The following RPRD1A variants were observed in gnomAD, a reference collection of about 807,000 sequenced individuals.
The protein encoded by RPRD1A is regulation of nuclear pre-mRNA domain containing 1A.
In RPRD1A, 9 loss-of-function variants were observed where a neutral mutation model predicts 37.8. That is an observed-to-expected ratio of 0.24 (90% CI 0.14 to 0.42). The LOEUF (loss-of-function observed/expected upper bound fraction) is 0.42. Among genes scored for constraint, RPRD1A ranks in the 10% least tolerant of loss-of-function variants. The pLI is 1.00. For synonymous variants in RPRD1A, 138 were observed against 139.7 expected, an observed-to-expected ratio of 0.99 and a Z score of 0.08; for missense variants, 255 against 371.0, an observed-to-expected ratio of 0.69 and a Z score of 2.57.
chr18:36,034,961 T>C (rs1306012703), intron 1 of RPRD1A, among the ~76,000 whole-genome samples: 1 of 152,200 alleles, frequency 6.6e-6, no homozygotes, highest in Non-Finnish European at 1.5e-5. Flanking sequence ...CTGTATAACC[T>C]GGTTTGTCTG....
chr18:36,045,944 T>C (rs1041795612), intron 1 of RPRD1A, among the ~76,000 whole-genome samples: 2 of 152,230 alleles, frequency 1.3e-5, no homozygotes, highest in African/African-American at 4.8e-5. Context: ...TGTTGGATTC[T>C]ATTTTGAAGA....
At chr18:36,036,639 A>G (rs1418777176) in intron 1 of RPRD1A, among the ~76,000 whole-genome samples, 5 of 152,318 alleles carry the variant, frequency 3.3e-5, no homozygotes, top group Admixed American at 6.5e-5. Context: ...ATTTTCAGGG[A>G]AAGAAATTTA....
chr18:36,047,779 A>G (rs1365437619), intron 1 of RPRD1A, among the ~76,000 whole-genome samples: 2 of 152,222 alleles, frequency 1.3e-5, no homozygotes, highest in South Asian at 2.1e-4. Flanking sequence ...ACTCAATATG[A>G]AACAGATAAT....
intron 6 of RPRD1A, among the ~76,000 whole-genome samples, chr18:36,012,813 T>C (rs571065917): frequency 6.6e-6 from 1 of 152,346 alleles, no homozygotes; most frequent in South Asian, 2.1e-4. Flanking sequence ...TTCAAAAGAA[T>C]AATTAAAGAT....
At chr18:36,055,667 AT>A (rs11299368) in intron 1 of RPRD1A, among the ~76,000 whole-genome samples, 17,618 of 152,246 alleles carry the variant, frequency 0.12, 1,258 homozygotes, top group East Asian at 0.25. Context: ...ATATCAAAAA[AT>A]TTGTTCTTAT....
chr18:36,041,893 G>A (rs745980314), intron 1 of RPRD1A, among the ~76,000 whole-genome samples: 9 of 152,220 alleles, frequency 5.9e-5, no homozygotes, highest in Non-Finnish European at 1.3e-4. Flanking sequence ...TGAAAAGTGG[G>A]TAGAGGTGAT....
At chr18:36,009,109 C>G (rs1008316046) in intron 6 of RPRD1A, among the ~76,000 whole-genome samples, 1 of 151,846 alleles carries the variant, frequency 6.6e-6, no homozygotes, top group Non-Finnish European at 1.5e-5. Context: ...TTTGAGCTTT[C>G]TTTCTTATGT....
chr18:36,058,162 C>A (rs1246372655), intron 1 of RPRD1A, among the ~76,000 whole-genome samples: 1 of 152,190 alleles, frequency 6.6e-6, no homozygotes, highest in Admixed American at 6.5e-5. Context: ...CCTACCTCAG[C>A]CTCCTGGGTA....
chr18:36,020,890 T>A (rs1910951554), intron 6 of RPRD1A, among the ~76,000 whole-genome samples: 1 of 150,954 alleles, frequency 6.6e-6, no homozygotes, highest in Admixed American at 6.6e-5. Flanking sequence ...AGGAAAACAA[T>A]GACATGTAAG....
At chr18:36,012,181 C>CTAG (rs1910218172) in intron 6 of RPRD1A, among the ~76,000 whole-genome samples, 1 of 152,150 alleles carries the variant, frequency 6.6e-6, no homozygotes, top group Non-Finnish European at 1.5e-5. Context: ...TTCCTATCAC[C>CTAG]TAGTGACCAT....
intron 6 of RPRD1A, among the ~76,000 whole-genome samples, chr18:36,002,604 A>G (rs1257052851): frequency 1.3e-5 from 2 of 151,922 alleles, no homozygotes; most frequent in African/African-American, 4.8e-5. Context: ...CTCTCTACTT[A>G]TATTACCCAT....
intron 1 of RPRD1A, among the ~76,000 whole-genome samples, chr18:36,038,928 C>A (rs944443167): frequency 6.6e-6 from 1 of 152,146 alleles, no homozygotes; most frequent in Admixed American, 6.5e-5. Context: ...ACCTATGATA[C>A]CCCCGTTGTA....
At chr18:36,059,871 A>T (rs576488121) in intron 1 of RPRD1A, among the ~76,000 whole-genome samples, 1 of 152,352 alleles carries the variant, frequency 6.6e-6, no homozygotes, top group South Asian at 2.1e-4. Flanking sequence ...TAAGAAATTA[A>T]GTTTTTTTAA....
At chr18:36,001,197 C>T (rs1157887725) in intron 6 of RPRD1A, among the ~76,000 whole-genome samples, 1 of 152,142 alleles carries the variant, frequency 6.6e-6, no homozygotes, top group Non-Finnish European at 1.5e-5. Flanking sequence ...AGAAAAGGTG[C>T]CCAATGCCAG....
chr18:36,050,044 T>A (rs1490547599), intron 1 of RPRD1A, among the ~76,000 whole-genome samples: 1 of 152,010 alleles, frequency 6.6e-6, no homozygotes, highest in Non-Finnish European at 1.5e-5. Context: ...GTGCTTTTGA[T>A]GTGCATAGAG....
intron 6 of RPRD1A, among the ~76,000 whole-genome samples, chr18:36,004,117 C>A (rs1420437178): frequency 6.6e-6 from 1 of 151,178 alleles, no homozygotes; most frequent in African/African-American, 2.4e-5. Context: ...AGGCATGAGC[C>A]ACTGCACCCA....
intron 1 of RPRD1A, among the ~76,000 whole-genome samples, chr18:36,035,530 GCTTC>G (rs1419123293): frequency 3.9e-5 from 6 of 152,164 alleles, no homozygotes; most frequent in African/African-American, 1.4e-4. Flanking sequence ...ACTAGACCAT[GCTTC>G]CTGTCATAAT....
intron 1 of RPRD1A, among the ~76,000 whole-genome samples, chr18:36,062,323 C>CAAAA (rs752980996): frequency 0.016 from 667 of 40,582 alleles, 77 homozygotes; most frequent in African/African-American, 0.061. Context: ...GACTCCGTCT[C>CAAAA]AAAAAAAAAA....
intron 6 of RPRD1A, among the ~76,000 whole-genome samples, chr18:36,024,138 C>CGTGT (rs150196073): frequency 6.6e-6 from 1 of 151,298 alleles, no homozygotes; most frequent in Non-Finnish European, 1.5e-5. Flanking sequence ...ACAGTTATCT[C>CGTGT]GTGTGTGTGT....
Sources: gnomAD v4.1 joint callset for allele counts (sites outside exome capture counted in the v4.1 genomes callset) on GRCh38, gnomAD v4.1.1 for gene constraint, MANE v1.5 for transcripts, NCBI Gene and HGNC (gene_info 2026-07-23, HGNC 2026-07-21) for gene names.